The following RO60 variants were observed in gnomAD, a reference collection of about 807,000 sequenced individuals.
RO60 encodes Ro60, Y RNA binding protein.
In RO60, 20 loss-of-function variants were observed where a neutral mutation model predicts 55.3. The observed-to-expected ratio is 0.36, with a 90% CI of 0.25 to 0.53. RO60 has a LOEUF of 0.53. Among genes scored for constraint, RO60 ranks in the 20% least tolerant of loss-of-function variants. The pLI is 0.92. For missense variants in RO60, 558 were observed against 646.6 expected (o/e 0.86, Z 1.49); for synonymous variants, 213 against 213.6 (o/e 1.00, Z 0.02).
chr1:193,060,026 G>A (rs764606448), intron 1 of RO60: 2 of 1,352,838 alleles, frequency 1.5e-6, no homozygotes, highest in Non-Finnish European at 2.0e-6. Flanking sequence ...TTCCGAAGCC[G>A]GGACCGCTCC....
intron 5 of RO60, 59 bp from the exon 6 acceptor site, chr1:193,081,297 GATTTAGAA>G: frequency 1.1e-6 from 1 of 881,210 alleles, no homozygotes; most frequent in Non-Finnish European, 1.8e-6. Context: ...AAGTAAATAT[GATTTAGAA>G]ATTTAGTCTA....
chr1:193,060,078 C>T (rs1672401254), intron 1 of RO60: 1 of 1,293,160 alleles, frequency 7.7e-7, no homozygotes, highest in African/African-American at 1.5e-5. Context: ...GTCGAGAGGG[C>T]CTGCTTTACT....
chr1:193,078,462 A>G (rs1674074609), intron 5 of RO60, among the ~76,000 whole-genome samples: 1 of 152,226 alleles, frequency 6.6e-6, no homozygotes, highest in Non-Finnish European at 1.5e-5. Context: ...GAAAGAAAGA[A>G]GTAAAATTAT....
At chr1:193,069,716 G>A in intron 2 of RO60, 82 bp downstream of exon 2, 1 of 1,093,690 alleles carries the variant, frequency 9.1e-7, no homozygotes, top group South Asian at 1.7e-5. Flanking sequence ...CATAAGACAA[G>A]TGTGTAATAT....
intron 1 of RO60, among the ~76,000 whole-genome samples, chr1:193,061,051 G>GCC (rs1306323803): frequency 6.6e-6 from 1 of 152,180 alleles, no homozygotes; most frequent in Non-Finnish European, 1.5e-5. Context: ...GCACAATCTA[G>GCC]AAGTAAGCAG....
In RO60 at chr1:193,082,244, C is replaced by A. The variant is rs767513996; in HGVS notation, c.1262C>A (p.Pro421Gln). 6 of 1,613,376 alleles carry A rather than the reference C, an allele frequency of 3.7e-6. No individual in the cohort carries two copies. In the South Asian group the frequency reaches 6.6e-5, roughly 18 times the overall value. The change falls in exon 7 of 9, where the codon CCA (proline) becomes CAA (glutamine). Residue 421 changes from proline to glutamine, a missense_variant. Physicochemically the swap from Pro to Gln is moderately conservative, Grantham distance 76. Transcript: ENST00000400968. ...YVVAFSDEMV[P>Q]CPVTTDMTLQ... ...GTTGCTTTTTCCGATGAAATGGTAC[C>A]ATGTCCAGTGACTACAGATATGACC... is the stretch of plus-strand genomic sequence containing the variant.
Position 193,076,539 on chromosome 1 carries a change from A to G in RO60, c.840A>G (p.Ala280=). 6.2e-7 allele frequency: 1 copy of G among 1,612,608 alleles called. No homozygotes were observed. Residue 280 remains alanine (A), a synonymous_variant, in exon 4 of 9, where the codon GCA becomes GCG. Coordinates refer to ENST00000400968, the MANE Select transcript of RO60 (RefSeq NM_001173524.2). ...KALLQEMPLT[A]LLRNLGKMTA... ...TGTTACAAGAAATGCCGCTTACTGCATTACTAAGGAATCTAGGAAAGATGA... is the reference window on the plus strand; with the variant it reads ...TGTTACAAGAAATGCCGCTTACTGCGTTACTAAGGAATCTAGGAAAGATGA...
At chr1:193,075,066 G>A (rs1044667702) in intron 2 of RO60, among the ~76,000 whole-genome samples, 2 of 152,062 alleles carry the variant, frequency 1.3e-5, no homozygotes, top group Admixed American at 6.6e-5. Flanking sequence ...TGGCCTCACC[G>A]TGGTGGTTTT....
rs6663431 is a variant in RO60 at position 193,088,077 on chromosome 1, A to G, written c.*3346A>G. 0.68 allele frequency: 102,817 copies of G among 151,090 alleles called. 35,432 individuals carry two copies. Among genetic ancestry groups the G allele is most frequent in the Middle Eastern group, 0.76 (226 of 298 alleles). The allele number at this position is 151,090 out of a possible 1,614,324, so 9.4% of individuals were successfully genotyped here. On this transcript the variant is annotated 3_prime_UTR_variant, in exon 9 of 9. Transcript: ENST00000400968. The stretch of plus-strand genomic sequence containing the variant: ...ACCCAGGCTGGAGTGGCATGATCAC[A>G]GCTCACTGCAGCCTTGACCTCCCAA...
chr1:193,064,424 GTAT>G (rs1672978629), intron 1 of RO60, among the ~76,000 whole-genome samples: 1 of 152,124 alleles, frequency 6.6e-6, no homozygotes, highest in South Asian at 2.1e-4. Flanking sequence ...TTTCTGCTGG[GTAT>G]TATGTCCAAA....
Position 193,087,822 on chromosome 1 carries a change from G to A in RO60, c.*3091G>A, listed in dbSNP as rs551561176. The A allele has an allele frequency of 5.7e-4, 87 of 151,666 alleles. No individual in the cohort carries two copies. The highest frequency in any genetic ancestry group is 1.0e-3 in the Non-Finnish European group (68 of 67,906). 9.4% of individuals were successfully genotyped at this position (151,666 alleles called of 1,614,324 possible). On this transcript the variant is annotated 3_prime_UTR_variant, in exon 9 of 9. Coordinates refer to ENST00000400968, the MANE Select transcript of RO60 (RefSeq NM_001173524.2). ...AAAGATAAAATGTTTTAGAAAAATAGCTCACTCAATAGGCCTAACAGTGTT... is the reference window on the plus strand; with the variant it reads ...AAAGATAAAATGTTTTAGAAAAATAACTCACTCAATAGGCCTAACAGTGTT...
At chr1:193,074,181 G>A (rs1283279375) in intron 2 of RO60, among the ~76,000 whole-genome samples, 6 of 152,250 alleles carry the variant, frequency 3.9e-5, no homozygotes, top group African/African-American at 1.4e-4. Flanking sequence ...ATTGTGAATA[G>A]TGCCGCAATA....
rs965164514 is a variant in RO60, at chr1:193,085,599, C to T, written c.*868C>T. 2 of 984,306 alleles carry T rather than the reference C, an allele frequency of 2.0e-6. No homozygotes were observed. The highest frequency in any genetic ancestry group is 1.1e-4 in the East Asian group (1 of 8,832). The allele number at this position is 984,306 out of a possible 1,614,324, so 61.0% of individuals were successfully genotyped here. On this transcript the variant is annotated 3_prime_UTR_variant, in exon 9 of 9. Coordinates refer to ENST00000400968, the MANE Select transcript of RO60 (RefSeq NM_001173524.2). ...TATAAAATGTTTCAAGCGCTTAACT[C>T]CCCCTCATTCACAAAGTATAACAAT...
chr1:193,070,547 C>T (rs185415871), intron 2 of RO60: 2 of 410,766 alleles, frequency 4.9e-6, no homozygotes, highest in Non-Finnish European at 9.7e-6. Flanking sequence ...TTTTTTTGCA[C>T]CGGAAGTGAA....
intron 2 of RO60, among the ~76,000 whole-genome samples, chr1:193,074,497 G>GTCTTCATATGTCTT (rs1255823925): frequency 6.6e-6 from 1 of 152,180 alleles, no homozygotes; most frequent in African/African-American, 2.4e-5. Flanking sequence ...GTGATGATGA[G>GTCTTCATATGTCTT]CATGTTTTCA....
chr1:193,077,140 A>G, intron 5 of RO60, 90 bp downstream of exon 5: 1 of 1,273,270 alleles, frequency 7.9e-7, no homozygotes, highest in Non-Finnish European at 1.1e-6. Context: ...TAATAGTTTA[A>G]TCATTTTTTA....
intron 2 of RO60, among the ~76,000 whole-genome samples, chr1:193,071,974 CTATT>C (rs1673549746): frequency 6.6e-6 from 1 of 151,752 alleles, no homozygotes; most frequent in Admixed American, 6.6e-5. Flanking sequence ...ATTGTGATCA[CTATT>C]CATTCAACAA....
In RO60 at chr1:193,060,114, C is replaced by A. The variant is rs1275529496; in HGVS notation, c.-22+338C>A. 3.3e-6 allele frequency: 4 copies of A among 1,208,198 alleles called. No individual in the cohort carries two copies. In the East Asian group the frequency reaches 2.2e-4, roughly 67 times the overall value. The allele number at this position is 1,208,198 out of a possible 1,614,324, so 74.8% of individuals were successfully genotyped here. ...CCTCCTCTTTCTCCTCCTTCTCCCG[C>A]GGCTTCTGCGCGGAGAGGCGTCGCC... On this transcript the variant is annotated intron_variant, in intron 1 of 8. Transcript: ENST00000400968.
chr1:193,069,187 A>T lies in RO60; in HGVS notation c.133A>T (p.Thr45Ser). ...RFLCFGSEGG[T>S]YYIKEQKLGL... ...CTTATGTTTCGGTTCTGAAGGTGGG[A>T]CTTATTATATCAAAGAACAGAAGTT... The change falls in exon 2 of 9, where the codon ACT (threonine) becomes TCT (serine). Residue 45 changes from threonine to serine, a missense_variant. Coordinates refer to ENST00000400968, the MANE Select transcript of RO60 (RefSeq NM_001173524.2). 6.2e-7 allele frequency: 1 copy of T among 1,614,198 alleles called. No homozygotes were observed. Among genetic ancestry groups the T allele is most frequent in the Non-Finnish European group, 8.5e-7 (1 of 1,180,020 alleles).
Sources: gnomAD v4.1 joint callset for allele counts (sites outside exome capture counted in the v4.1 genomes callset) on GRCh38, gnomAD v4.1.1 for gene constraint, MANE v1.5 for transcripts, NCBI Gene and HGNC (gene_info 2026-07-23, HGNC 2026-07-21) for gene names.